Variants in KHDRBS2 observed in about 807,000 individuals in gnomAD.
The protein encoded by KHDRBS2 is KH RNA binding domain containing, signal transduction associated 2, also known as KH domain-containing, RNA-binding, signal transduction-associated protein 2.
A neutral mutation model predicts 44.3 loss-of-function variants in KHDRBS2; 26 were observed. The observed-to-expected ratio is 0.59, with a 90% CI of 0.43 to 0.81. The LOEUF is 0.81. Ranked by LOEUF, KHDRBS2 falls within the 40% of genes least tolerant of loss-of-function variation. The pLI, the probability that KHDRBS2 is intolerant of heterozygous loss-of-function variation, is 0.00. For missense variants in KHDRBS2, 476 were observed against 433.1 expected (o/e 1.10, Z -0.88); for synonymous variants, 194 against 151.1 (o/e 1.28, Z -2.08).
chr6:61,955,101 T>TAC (rs1766304631), intron 4 of KHDRBS2, among the ~76,000 whole-genome samples: 1 of 121,516 alleles, frequency 8.2e-6, no homozygotes, highest in Non-Finnish European at 1.9e-5. Flanking sequence ...CATATATGTA[T>TAC]ATATACACAT....
chr6:62,133,936 T>C (rs372363526), intron 2 of KHDRBS2, among the ~76,000 whole-genome samples: 79 of 152,272 alleles, frequency 5.2e-4, no homozygotes, highest in African/African-American at 1.9e-3. Flanking sequence ...ACTTGGGCGC[T>C]GTAAAAAGCA....
At chr6:61,945,671 T>C (rs528437247) in intron 4 of KHDRBS2, among the ~76,000 whole-genome samples, 222 of 152,072 alleles carry the variant, frequency 1.5e-3, no homozygotes, top group African/African-American at 5.1e-3. Flanking sequence ...TTTTTTCTAC[T>C]ATTTTTATAT....
intron 1 of KHDRBS2, among the ~76,000 whole-genome samples, chr6:62,199,894 T>C (rs1474932464): frequency 6.6e-6 from 1 of 151,960 alleles, no homozygotes; most frequent in Non-Finnish European, 1.5e-5. Context: ...GAGATATAGA[T>C]CAATGGAACA....
At chr6:62,024,336 C>A (rs1782900997) in intron 3 of KHDRBS2, among the ~76,000 whole-genome samples, 1 of 151,406 alleles carries the variant, frequency 6.6e-6, no homozygotes, top group African/African-American at 2.4e-5. Flanking sequence ...TTAAAACATT[C>A]ACCTGGAAAA....
At chr6:61,765,661 T>C (rs569595194) in intron 6 of KHDRBS2, among the ~76,000 whole-genome samples, 13 of 152,260 alleles carry the variant, frequency 8.5e-5, no homozygotes, top group Non-Finnish European at 1.6e-4. Flanking sequence ...GGTATGTTCC[T>C]TCTATACCCA....
At chr6:61,580,102 T>A in the KHDRBS2 span, among the ~76,000 whole-genome samples, 1 of 152,042 alleles carries the variant, frequency 6.6e-6, no homozygotes, top group Non-Finnish European at 1.5e-5. Context: ...AAAACAGAGA[T>A]CTTACAGCCA....
chr6:61,579,850 G>T, the KHDRBS2 span, among the ~76,000 whole-genome samples: 5 of 144,782 alleles, frequency 3.5e-5, no homozygotes, highest in South Asian at 4.5e-4. Flanking sequence ...CTGAGGTTGG[G>T]AGTTTGAGAC....
In KHDRBS2 at chr6:61,778,733, C is replaced by G. The variant is rs567622110; in HGVS notation, c.811-45969G>C. ...AGTCCTAAATGACATATGCCAAACC[C>G]TTAATGCCAAGAGGCAGTAGATTAT... is the stretch of plus-strand genomic sequence containing the variant. On this transcript the variant is annotated intron_variant, in intron 6 of 8. Transcript: ENST00000281156. 2.0e-5 allele frequency among the ~76,000 whole-genome samples: 3 copies of G among 152,264 alleles called. No individual in the cohort carries two copies. In the East Asian group the frequency reaches 5.8e-4, roughly 29 times the overall value.
At chr6:62,192,409 C>G (rs1348200149) in intron 1 of KHDRBS2, among the ~76,000 whole-genome samples, 2 of 152,054 alleles carry the variant, frequency 1.3e-5, no homozygotes, top group Non-Finnish European at 2.9e-5. Flanking sequence ...ATCAGCAACT[C>G]AAGTTGCATT....
chr6:61,599,530 C>T, the KHDRBS2 span, among the ~76,000 whole-genome samples: 1 of 152,106 alleles, frequency 6.6e-6, no homozygotes, highest in Non-Finnish European at 1.5e-5. Context: ...ACTCTTGTTG[C>T]CACAGATGGT....
intron 7 of KHDRBS2, among the ~76,000 whole-genome samples, chr6:61,722,084 T>C (rs139200510): frequency 6.6e-6 from 1 of 152,142 alleles, no homozygotes; most frequent in South Asian, 2.1e-4. Context: ...ATTACATTTA[T>C]TGATTTGCGT....
At chr6:61,732,152 T>C (rs1483960738) in intron 7 of KHDRBS2, among the ~76,000 whole-genome samples, 1 of 152,064 alleles carries the variant, frequency 6.6e-6, no homozygotes, top group Non-Finnish European at 1.5e-5. Context: ...TAAATCTGAC[T>C]TTGAAGACAT....
intron 7 of KHDRBS2, among the ~76,000 whole-genome samples, chr6:61,703,996 T>A (rs956278123): frequency 6.6e-6 from 1 of 151,896 alleles, no homozygotes; most frequent in Non-Finnish European, 1.5e-5. Context: ...GGGAAACCTA[T>A]ACCTATGGAA....
At chr6:61,609,027 A>G in the KHDRBS2 span, among the ~76,000 whole-genome samples, 2 of 152,184 alleles carry the variant, frequency 1.3e-5, no homozygotes, top group Admixed American at 6.5e-5. Flanking sequence ...GTCTTCCACA[A>G]TGGCTGAACT....
intron 6 of KHDRBS2, among the ~76,000 whole-genome samples, chr6:61,860,156 C>T (rs1796713998): frequency 6.6e-6 from 1 of 151,734 alleles, no homozygotes; most frequent in South Asian, 2.1e-4. Context: ...AAAATAAATC[C>T]ATACTTAGAC....
intron 2 of KHDRBS2, among the ~76,000 whole-genome samples, chr6:62,098,499 A>G (rs1801153725): frequency 1.1e-5 from 1 of 92,992 alleles, no homozygotes; most frequent in African/African-American, 3.9e-5. Context: ...ATTTCTGCTG[A>G]TAAGTCAGCT....
At chr6:61,555,923 G>T in the KHDRBS2 span, among the ~76,000 whole-genome samples, 4 of 152,152 alleles carry the variant, frequency 2.6e-5, no homozygotes, top group Non-Finnish European at 5.9e-5. Context: ...TGGATCACTC[G>T]CCACAACACT....
chr6:62,096,822 A>T (rs1441791614), intron 2 of KHDRBS2, among the ~76,000 whole-genome samples: 2 of 150,944 alleles, frequency 1.3e-5, no homozygotes, highest in African/African-American at 4.9e-5. Context: ...ATTTTATTTT[A>T]TTTTTTTCTG....
chr6:61,785,111 C>T (rs1315482332), intron 6 of KHDRBS2, among the ~76,000 whole-genome samples: 2 of 151,800 alleles, frequency 1.3e-5, no homozygotes, highest in Admixed American at 6.6e-5. Flanking sequence ...AATCGTGACA[C>T]TATACTCCAG....
Sources: allele counts gnomAD v4.1 joint callset (sites outside exome capture counted in the v4.1 genomes callset), GRCh38; gene constraint gnomAD v4.1.1; transcripts MANE v1.5; gene names NCBI Gene and HGNC (gene_info 2026-07-23, HGNC 2026-07-21).